NRCAM: variants seen among roughly 807,000 people sequenced by gnomAD.
NRCAM encodes the protein NgCAM-related cell adhesion molecule.
In NRCAM, 83 loss-of-function variants were observed where a neutral mutation model predicts 156.5. That is an observed-to-expected ratio of 0.53 (90% CI 0.44 to 0.64). The LOEUF (loss-of-function observed/expected upper bound fraction) is 0.64. Among genes scored for constraint, NRCAM ranks in the 30% least tolerant of loss-of-function variants. The pLI, the probability that NRCAM is intolerant of heterozygous loss-of-function variation, is 0.00. For missense variants in NRCAM, 1,417 were observed against 1,597.3 expected (o/e 0.89, Z 1.92); for synonymous variants, 538 against 563.9 (o/e 0.95, Z 0.65).
chr7:108,194,256 C>A lies in NRCAM; in HGVS notation c.1630+6G>T. 4 of 1,611,474 alleles carry A rather than the reference C, an allele frequency of 2.5e-6. No homozygotes were observed. Among genetic ancestry groups the A allele is most frequent in the African/African-American group, 2.7e-5 (2 of 74,950 alleles). ...TTAAAAATTAAACACATTACCTCTG[C>A]CTTACCTTTGATTTCTAAGTGAACT... On this transcript the variant is annotated splice_donor_region_variant and intron_variant, in intron 16 of 32. Transcript: ENST00000379028.
At chr7:108,191,988 T>C in intron 17 of NRCAM, 135 bp from the exon 18 acceptor site, 1 of 896,120 alleles carries the variant, frequency 1.1e-6, no homozygotes. Context: ...TAGAGCAAAA[T>C]ACATATCACT....
In NRCAM at chr7:108,339,743, C is replaced by T. The variant is rs185369613; in HGVS notation, c.-173-27012G>A. On this transcript the variant is annotated intron_variant, in intron 2 of 32. Transcript: ENST00000379028. ...CATTAGGACCATAGAGGACGCTCTA[C>T]GACTAATGCTCGTCGGAAAATGACT... Among the ~76,000 whole-genome samples the T allele has an allele frequency of 2.2e-4, 34 of 151,794 alleles. 2 individuals are homozygous for T. In the East Asian group the frequency reaches 5.0e-3, roughly 22 times the overall value.
chr7:108,317,020 C>T (rs2098934667), intron 2 of NRCAM, among the ~76,000 whole-genome samples: 1 of 152,158 alleles, frequency 6.6e-6, no homozygotes, highest in African/African-American at 2.4e-5. Flanking sequence ...TGTGTCTTTT[C>T]CACGCCTCCT....
rs961539762 is a variant in NRCAM, at chr7:108,313,587, A to G, written c.-173-856T>C. On this transcript the variant is annotated intron_variant, in intron 2 of 32. Coordinates refer to ENST00000379028, the MANE Select transcript of NRCAM (RefSeq NM_001037132.4). ...ATTATTCCGTTAATAAAAGATGCTT[A>G]ATAATCTCAGCTGGTTTTGCTTATG... is the stretch of plus-strand genomic sequence containing the variant. Among the ~76,000 whole-genome samples the G allele has an allele frequency of 3.3e-5, 5 of 152,218 alleles. No homozygotes were observed. In the East Asian group the frequency reaches 9.6e-4, roughly 29 times the overall value.
intron 2 of NRCAM, among the ~76,000 whole-genome samples, chr7:108,354,786 C>T (rs184170443): frequency 4.6e-5 from 7 of 151,904 alleles, no homozygotes; most frequent in Admixed American, 2.0e-4. Context: ...CCCAGCTACT[C>T]GGGAGGCAGA....
At chr7:108,241,590 C>A (rs973497337) in intron 3 of NRCAM, among the ~76,000 whole-genome samples, 1 of 152,068 alleles carries the variant, frequency 6.6e-6, no homozygotes, top group Non-Finnish European at 1.5e-5. Context: ...CTCCTCAGGG[C>A]AGGGATGGCA....
intron 2 of NRCAM, among the ~76,000 whole-genome samples, chr7:108,342,955 C>A (rs1002831541): frequency 2.6e-5 from 4 of 152,200 alleles, no homozygotes; most frequent in Admixed American, 2.6e-4. Context: ...AACTCTTAAC[C>A]CAGCCACATT....
chr7:108,274,992 T>TA (rs1161151136), intron 3 of NRCAM, among the ~76,000 whole-genome samples: 8 of 152,234 alleles, frequency 5.3e-5, no homozygotes, highest in Admixed American at 2.0e-4. Context: ...TCTATTGAGA[T>TA]AATCATGTGG....
intron 2 of NRCAM, among the ~76,000 whole-genome samples, chr7:108,343,874 T>A (rs538468065): frequency 6.6e-6 from 1 of 152,292 alleles, no homozygotes; most frequent in South Asian, 2.1e-4. Context: ...TACATTTCAA[T>A]CCCTGTATCT....
At chr7:108,408,789 A>G (rs1410303045) in intron 1 of NRCAM, among the ~76,000 whole-genome samples, 1 of 152,244 alleles carries the variant, frequency 6.6e-6, no homozygotes, top group African/African-American at 2.4e-5. Flanking sequence ...CACCAAGCTG[A>G]GCACTCCCTG....
rs368254693 is a variant in NRCAM at position 108,198,069 on chromosome 7, T to A, written c.1238A>T (p.Asp413Val). 6.2e-7 allele frequency: 1 copy of A among 1,607,838 alleles called. No homozygotes were observed. The highest frequency in any genetic ancestry group is 1.7e-5 in the Admixed American group (1 of 59,070). ...ATTTGAAAAAATAATGGTATCGCCA[T>A]CTATTTTTCTGCTGGGGTCATCAGG... Reference protein sequence around the residue: ...IAPDDPSRKIDGDTIIFSNVQ... With the variant: ...IAPDDPSRKIVGDTIIFSNVQ... The change falls in exon 14 of 33, where the codon GAT (aspartate) becomes GTT (valine). Residue 413 changes from aspartate (D) to valine (V), a missense_variant. Asp to Val is a radical substitution (Grantham distance 152). Around this residue, in one of 2 missense-constraint regions of NRCAM, gnomAD observed 1,238 missense variants for 1,336.4 expected, o/e 0.93. Coordinates refer to ENST00000379028, the MANE Select transcript of NRCAM (RefSeq NM_001037132.4).
Position 108,184,475 on chromosome 7 carries a change from G to T in NRCAM, c.2175C>A (p.Asn725Lys). 2 of 1,614,168 alleles carry T rather than the reference G, an allele frequency of 1.2e-6. No individual in the cohort carries two copies. Among genetic ancestry groups the T allele is most frequent in the Middle Eastern group, 3.3e-4 (2 of 6,062 alleles). ...CGCTGGGCAAGCTCTTCCCAATGCT[G>T]TTCACTGCCATCACGCGGAAGGAGT... ...VNYSFRVMAV[N>K]SIGKSLPSEA... Residue 725 changes from asparagine to lysine, a missense_variant, in exon 21 of 33, where the codon AAC becomes AAA. Coordinates refer to ENST00000379028, the MANE Select transcript of NRCAM (RefSeq NM_001037132.4).
intron 1 of NRCAM, among the ~76,000 whole-genome samples, chr7:108,448,749 A>T (rs1236310557): frequency 6.6e-6 from 1 of 152,238 alleles, no homozygotes. Context: ...AAAAACTTCG[A>T]GAGTAAATAT....
chr7:108,378,308 T>A, intron 2 of NRCAM, among the ~76,000 whole-genome samples: 1 of 151,348 alleles, frequency 6.6e-6, no homozygotes, highest in East Asian at 1.9e-4. Context: ...CTGAAAAAAA[T>A]GATTTAAATG....
chr7:108,237,770 C>T lies in NRCAM; in HGVS notation c.107-1G>A. On this transcript the variant is annotated splice_acceptor_variant, in intron 4 of 32. Coordinates refer to ENST00000379028, the MANE Select transcript of NRCAM (RefSeq NM_001037132.4). LOFTEE classifies it high-confidence loss of function. ...CACTTACAGTCTTCAAGAAGTTTTG[C>T]TTTTTCCCCATCAATATCAGCAGGT... 2 of 1,594,106 alleles carry T rather than the reference C, an allele frequency of 1.3e-6. No individual in the cohort carries two copies. The highest frequency in any genetic ancestry group is 2.3e-5 in the East Asian group (1 of 44,262).
chr7:108,248,611 C>T (rs2096123711), intron 3 of NRCAM, among the ~76,000 whole-genome samples: 1 of 152,082 alleles, frequency 6.6e-6, no homozygotes. Flanking sequence ...TGTGCAGGCA[C>T]CTCTGCTCGA....
At chr7:108,224,160 A>G (rs1283754266) in intron 10 of NRCAM, among the ~76,000 whole-genome samples, 2 of 152,102 alleles carry the variant, frequency 1.3e-5, no homozygotes, top group Non-Finnish European at 2.9e-5. Context: ...TGACATGGAG[A>G]GGAAAATCAT....
At chr7:108,161,202 G>A (rs1205615406) in intron 30 of NRCAM, among the ~76,000 whole-genome samples, 4 of 152,108 alleles carry the variant, frequency 2.6e-5, no homozygotes, top group Non-Finnish European at 4.4e-5. Context: ...TCAAAAGACC[G>A]GAATATCTCT....
chr7:108,405,299 A>G (rs1160544406), intron 1 of NRCAM, among the ~76,000 whole-genome samples: 1 of 152,232 alleles, frequency 6.6e-6, no homozygotes, highest in Non-Finnish European at 1.5e-5. Context: ...GCTACTGGGC[A>G]TTCACGCCTC....
Sources: gnomAD v4.1 joint callset for allele counts (sites outside exome capture counted in the v4.1 genomes callset) on GRCh38, gnomAD v4.1.1 for gene constraint, gnomAD v4.1.1 regional missense constraint, MANE v1.5 for transcripts, NCBI Gene and HGNC (gene_info 2026-07-23, HGNC 2026-07-21) for gene names.